Variants in CNTN3 observed in about 807,000 individuals in gnomAD.
CNTN3 encodes contactin 3.
CNTN3 carries 60 observed loss-of-function variants against 119.1 expected under a neutral mutation model. That is an observed-to-expected ratio of 0.50 (90% CI 0.41 to 0.62). The LOEUF (loss-of-function observed/expected upper bound fraction) is 0.62, where lower values mean the gene tolerates loss of function less well. CNTN3 is among the 20% of genes least tolerant of loss of function. CNTN3 has a pLI of 0.00. For synonymous variants in CNTN3, 450 were observed against 438.7 expected, an observed-to-expected ratio of 1.03 and a Z score of -0.32; for missense variants, 1,101 against 1,242.4, an observed-to-expected ratio of 0.89 and a Z score of 1.71.
chr3:74,403,261 A>C (rs574483622), intron 5 of CNTN3, among the ~76,000 whole-genome samples: 1 of 152,310 alleles, frequency 6.6e-6, no homozygotes, highest in East Asian at 1.9e-4. Context: ...AAAACTGTGC[A>C]ATATTTTGTT....
intron 1 of CNTN3, among the ~76,000 whole-genome samples, chr3:74,548,158 A>G (rs1218479300): frequency 6.6e-6 from 1 of 152,146 alleles, no homozygotes; most frequent in African/African-American, 2.4e-5. Flanking sequence ...TATTTTTATA[A>G]CAAATCAGAT....
chr3:74,519,224 A>G (rs1459178535), intron 2 of CNTN3, among the ~76,000 whole-genome samples: 1 of 151,814 alleles, frequency 6.6e-6, no homozygotes, highest in Non-Finnish European at 1.5e-5. Flanking sequence ...ATAATTACAT[A>G]TAATTTGTCA....
intron 3 of CNTN3, among the ~76,000 whole-genome samples, chr3:74,494,972 GC>G (rs1307771181): frequency 6.6e-6 from 1 of 152,100 alleles, no homozygotes; most frequent in Non-Finnish European, 1.5e-5. Context: ...AGATGATAGT[GC>G]AACCAAGTTT....
intron 19 of CNTN3, among the ~76,000 whole-genome samples, chr3:74,290,198 T>C (rs1394829879): frequency 6.6e-6 from 1 of 152,202 alleles, no homozygotes; most frequent in Non-Finnish European, 1.5e-5. Flanking sequence ...CGAACCTGCA[T>C]GGTATAACTT....
chr3:74,337,240 A>G (rs1164026812), intron 11 of CNTN3, among the ~76,000 whole-genome samples: 2 of 152,150 alleles, frequency 1.3e-5, no homozygotes. Flanking sequence ...GTTTCTTAGT[A>G]TACACTTAGA....
chr3:74,431,233 A>C (rs529476900), intron 4 of CNTN3, among the ~76,000 whole-genome samples: 119 of 152,306 alleles, frequency 7.8e-4, no homozygotes, highest in Non-Finnish European at 1.1e-3. Flanking sequence ...ATCAATGCAT[A>C]TGGAGAAAAG....
intron 1 of CNTN3, among the ~76,000 whole-genome samples, chr3:74,567,483 T>C (rs894719088): frequency 7.2e-5 from 11 of 152,068 alleles, no homozygotes; most frequent in African/African-American, 2.7e-4. Flanking sequence ...GAATCTCTGA[T>C]AGATGACTAT....
At chr3:74,601,666 T>C (rs1438902556) in intron 1 of CNTN3, among the ~76,000 whole-genome samples, 1 of 152,100 alleles carries the variant, frequency 6.6e-6, no homozygotes, top group Admixed American at 6.6e-5. Flanking sequence ...TTTTTTGTAT[T>C]TATGCTTTCG....
At chr3:74,540,577 G>GT (rs1338632327) in intron 1 of CNTN3, among the ~76,000 whole-genome samples, 1 of 152,118 alleles carries the variant, frequency 6.6e-6, no homozygotes, top group Non-Finnish European at 1.5e-5. Flanking sequence ...CACTAACAGG[G>GT]TAAGTACTAC....
intron 1 of CNTN3, among the ~76,000 whole-genome samples, chr3:74,613,275 T>C: frequency 6.6e-6 from 1 of 151,954 alleles, no homozygotes; most frequent in Non-Finnish European, 1.5e-5. Context: ...CCTACTTTTT[T>C]TTTTTTTTTT....
intron 20 of CNTN3, 184 bp from the exon 21 acceptor site, chr3:74,267,562 G>C: frequency 6.0e-6 from 3 of 499,970 alleles, no homozygotes. Flanking sequence ...TTTTAGAAAG[G>C]CATTTCATTC....
chr3:74,445,136 T>C (rs1702028020), intron 4 of CNTN3, among the ~76,000 whole-genome samples: 1 of 152,230 alleles, frequency 6.6e-6, no homozygotes, highest in African/African-American at 2.4e-5. Flanking sequence ...TCACAATATT[T>C]AATGCACTAA....
At chr3:74,368,425 T>C (rs1473829112) in intron 8 of CNTN3, among the ~76,000 whole-genome samples, 1 of 152,082 alleles carries the variant, frequency 6.6e-6, no homozygotes. Context: ...TTCTAATGAT[T>C]AAAGTGCAAA....
At chr3:74,443,740 G>A (rs376663473) in intron 4 of CNTN3, among the ~76,000 whole-genome samples, 14 of 152,186 alleles carry the variant, frequency 9.2e-5, no homozygotes, top group African/African-American at 3.4e-4. Context: ...TTTCCCCTAG[G>A]AGGTCGTTAT....
In CNTN3 at chr3:74,614,557, C is replaced by T. The variant is rs1028503037; in HGVS notation, c.-247G>A. Among the ~76,000 whole-genome samples, 1 of 147,620 alleles carries T rather than the reference C, an allele frequency of 6.8e-6. No homozygotes were observed. The highest frequency in any genetic ancestry group is 1.5e-5 in the Non-Finnish European group (1 of 66,466). On this transcript the variant is annotated 5_prime_UTR_variant, in exon 1 of 23. In the 5' UTR this introduces an upstream ATG that the reference lacks. Transcript: ENST00000263665. ...CGCAGGCGCAGCACCCTCGTCCGCA[C>T]GGTTCCCGGCCCAGTCCACGGCGCC...
chr3:74,307,259 G>A (rs187659117), intron 13 of CNTN3, among the ~76,000 whole-genome samples: 27 of 152,190 alleles, frequency 1.8e-4, no homozygotes, highest in Admixed American at 4.6e-4. Context: ...CACTGTAGCT[G>A]ACTTCAAGTT....
chr3:74,393,805 T>C (rs1209472222), intron 5 of CNTN3, among the ~76,000 whole-genome samples: 1 of 152,196 alleles, frequency 6.6e-6, no homozygotes, highest in African/African-American at 2.4e-5. Context: ...AATCTTTTAA[T>C]GTTGAACCTG....
At chr3:74,306,493 T>C (rs1010381994) in intron 13 of CNTN3, among the ~76,000 whole-genome samples, 8 of 152,140 alleles carry the variant, frequency 5.3e-5, no homozygotes, top group African/African-American at 1.4e-4. Context: ...ACTTCCTTTT[T>C]CCCCACCTCC....
chr3:74,474,730 T>A (rs1039092653), intron 4 of CNTN3, among the ~76,000 whole-genome samples: 2 of 152,116 alleles, frequency 1.3e-5, no homozygotes, highest in Non-Finnish European at 2.9e-5. Flanking sequence ...CATATTGAAA[T>A]GCAACGCCAA....
Sources: allele counts gnomAD v4.1 joint callset (sites outside exome capture counted in the v4.1 genomes callset), GRCh38; gene constraint gnomAD v4.1.1; transcripts MANE v1.5; gene names NCBI Gene and HGNC (gene_info 2026-07-23, HGNC 2026-07-21).